Variants in GABRB2 observed in about 807,000 individuals in gnomAD.
The protein encoded by GABRB2 is gamma-aminobutyric acid type A receptor subunit beta2.
GABRB2 carries 16 observed loss-of-function variants against 54.7 expected under a neutral mutation model. The ratio of observed to expected loss-of-function variants is 0.29; its 90% confidence interval spans 0.20 to 0.44. The LOEUF (loss-of-function observed/expected upper bound fraction) is 0.44, where lower values mean the gene tolerates loss of function less well. Ranked by LOEUF, GABRB2 falls within the 20% of genes least tolerant of loss-of-function variation. The pLI is 1.00. For missense variants in GABRB2, 355 were observed against 644.0 expected (o/e 0.55, Z 4.86); for synonymous variants, 244 against 233.8 (o/e 1.04, Z -0.40).
At chr5:161,458,985 A>G (rs558947391) in intron 4 of GABRB2, 2 of 152,268 alleles carry the variant, frequency 1.3e-5, no homozygotes, top group Non-Finnish European at 2.9e-5. Context: ...CTTTTTTTCT[A>G]GAAAACCATC....
intron 5 of GABRB2, among the ~76,000 whole-genome samples, chr5:161,376,404 T>G (rs1289963147): frequency 1.3e-5 from 2 of 152,018 alleles, no homozygotes; most frequent in African/African-American, 4.8e-5. Flanking sequence ...CCTGACCAAA[T>G]GCATAGATAG....
intron 5 of GABRB2, among the ~76,000 whole-genome samples, chr5:161,363,093 G>A (rs1394272655): frequency 3.3e-5 from 5 of 152,116 alleles, no homozygotes; most frequent in Non-Finnish European, 5.9e-5. Flanking sequence ...GTTAATTGCG[G>A]CACTGTTCAC....
chr5:161,540,177 C>T (rs1351992766), intron 3 of GABRB2, among the ~76,000 whole-genome samples: 1 of 152,214 alleles, frequency 6.6e-6, no homozygotes, highest in Non-Finnish European at 1.5e-5. Flanking sequence ...AGTCAAACCT[C>T]TCAAATCTGG....
In GABRB2 at chr5:161,291,983, T is replaced by C. The variant is rs1307992516; in HGVS notation, c.*2098A>G. On this transcript the variant is annotated 3_prime_UTR_variant, in exon 10 of 10. Transcript: ENST00000393959. ...GTGTGTCCTGGAGAAACATGAGGAA[T>C]CTCTACTCTGAGCCTGTGAGAAGAA... is the stretch of plus-strand genomic sequence containing the variant. The C allele has an allele frequency of 6.6e-6, 1 of 152,118 alleles. No homozygotes were observed. The highest frequency in any genetic ancestry group is 2.4e-5 in the African/African-American group (1 of 41,430). The allele number at this position is 152,118 out of a possible 1,614,324, so 9.4% of individuals were successfully genotyped here. A position where few individuals can be genotyped will look rare whatever the true frequency, so the allele number is the denominator to read the frequency against.
chr5:161,425,783 C>T (rs1756980303), intron 4 of GABRB2, among the ~76,000 whole-genome samples: 1 of 152,006 alleles, frequency 6.6e-6, no homozygotes, highest in Non-Finnish European at 1.5e-5. Context: ...TGCATGAGGA[C>T]ATAGCTTACA....
intron 4 of GABRB2, among the ~76,000 whole-genome samples, chr5:161,452,932 GT>G (rs1757833137): frequency 6.6e-6 from 1 of 152,274 alleles, no homozygotes; most frequent in East Asian, 1.9e-4. Flanking sequence ...GGAAGCAGAG[GT>G]TGCTGTGAGT....
intron 9 of GABRB2, among the ~76,000 whole-genome samples, chr5:161,309,835 G>T (rs1757808001): frequency 6.6e-6 from 1 of 152,006 alleles, no homozygotes; most frequent in South Asian, 2.1e-4. Flanking sequence ...GTTTCACCGT[G>T]TTAGCCAGGA....
At chr5:161,354,249 A>C (rs190351581) in intron 5 of GABRB2, among the ~76,000 whole-genome samples, 1 of 152,152 alleles carries the variant, frequency 6.6e-6, no homozygotes, top group Non-Finnish European at 1.5e-5. Flanking sequence ...TGATACAAGG[A>C]CCACACCTCT....
intron 5 of GABRB2, among the ~76,000 whole-genome samples, chr5:161,410,512 T>A (rs1041652876): frequency 3.9e-5 from 6 of 152,116 alleles, no homozygotes; most frequent in Admixed American, 3.9e-4. Flanking sequence ...GAAAACATTC[T>A]ATAAAACCTT....
At chr5:161,336,522 G>A in intron 6 of GABRB2, 110 bp downstream of exon 6, 1 of 1,258,604 alleles carries the variant, frequency 7.9e-7, no homozygotes, top group Non-Finnish European at 1.1e-6. Flanking sequence ...CAGTGGATTT[G>A]TCTTGTAAAG....
intron 5 of GABRB2, among the ~76,000 whole-genome samples, chr5:161,404,240 T>C (rs553556516): frequency 6.6e-6 from 1 of 152,188 alleles, no homozygotes; most frequent in African/African-American, 2.4e-5. Context: ...GGAAAATAAA[T>C]TCCTCACTTC....
intron 9 of GABRB2, 82 bp downstream of exon 9, chr5:161,326,286 C>T (rs1399654593): frequency 6.4e-5 from 101 of 1,574,340 alleles, no homozygotes; most frequent in Non-Finnish European, 8.4e-5. Flanking sequence ...TGCAAAGATC[C>T]CACACATTTT....
At chr5:161,419,529 T>G (rs1309836522) in intron 4 of GABRB2, among the ~76,000 whole-genome samples, 2 of 152,222 alleles carry the variant, frequency 1.3e-5, no homozygotes, top group African/African-American at 4.8e-5. Flanking sequence ...CTCAGCACTA[T>G]TCACAATAGC....
intron 3 of GABRB2, among the ~76,000 whole-genome samples, chr5:161,507,190 T>C (rs1377503864): frequency 2.0e-5 from 3 of 152,036 alleles, no homozygotes; most frequent in Admixed American, 6.6e-5. Flanking sequence ...ATGGGAGTCA[T>C]GACAAACAAA....
intron 4 of GABRB2, among the ~76,000 whole-genome samples, chr5:161,420,696 C>T (rs1756823139): frequency 6.6e-6 from 1 of 152,228 alleles, no homozygotes; most frequent in Admixed American, 6.5e-5. Flanking sequence ...GATTCTATCT[C>T]TGGGAGGGAG....
At chr5:161,316,946 G>C (rs557129317) in intron 9 of GABRB2, among the ~76,000 whole-genome samples, 31 of 152,104 alleles carry the variant, frequency 2.0e-4, no homozygotes, top group African/African-American at 7.5e-4. Flanking sequence ...CACTAGAAAC[G>C]TTTAATGTGC....
intron 4 of GABRB2, among the ~76,000 whole-genome samples, chr5:161,444,271 C>T (rs1239439207): frequency 6.6e-6 from 1 of 152,102 alleles, no homozygotes; most frequent in African/African-American, 2.4e-5. Context: ...GATACCACTG[C>T]TCTGCAATCA....
intron 9 of GABRB2, 54 bp downstream of exon 9, chr5:161,326,314 C>A: frequency 1.2e-6 from 2 of 1,603,632 alleles, no homozygotes; most frequent in Admixed American, 1.7e-5. Flanking sequence ...AACAGCTAAA[C>A]AAATTGGCCC....
chr5:161,431,312 A>C (rs906636035), intron 4 of GABRB2, among the ~76,000 whole-genome samples: 1 of 152,142 alleles, frequency 6.6e-6, no homozygotes, highest in Non-Finnish European at 1.5e-5. Flanking sequence ...AATCTATTTT[A>C]ATACTCTGAG....
Sources: allele counts gnomAD v4.1 joint callset (sites outside exome capture counted in the v4.1 genomes callset), GRCh38; gene constraint gnomAD v4.1.1; transcripts MANE v1.5; gene names NCBI Gene and HGNC (gene_info 2026-07-23, HGNC 2026-07-21).